Variants in DOCK8 observed in about 807,000 individuals in gnomAD.
DOCK8 encodes dedicator of cytokinesis 8.
Under a neutral mutation model 245.6 loss-of-function variants are expected in DOCK8, and 141 were observed. That is an observed-to-expected ratio of 0.57 (90% CI 0.50 to 0.66). The LOEUF (loss-of-function observed/expected upper bound fraction) is 0.66, where lower values mean the gene tolerates loss of function less well. Among genes scored for constraint, DOCK8 ranks in the 30% least tolerant of loss-of-function variants. DOCK8 has a pLI of 0.00. For missense variants in DOCK8, 2,965 were observed against 2,603.4 expected (o/e 1.14, Z -3.02); for synonymous variants, 1,168 against 970.2 (o/e 1.20, Z -3.79).
At chr9:400,057 A>G (rs1214965015) in intron 26 of DOCK8, among the ~76,000 whole-genome samples, 1 of 108,240 alleles carries the variant, frequency 9.2e-6, no homozygotes, top group Non-Finnish European at 1.8e-5. Flanking sequence ...CACCATCACC[A>G]CCTCCTTCAC....
At chr9:463,081 G>A (rs1041996337) in intron 46 of DOCK8, among the ~76,000 whole-genome samples, 1 of 152,080 alleles carries the variant, frequency 6.6e-6, no homozygotes, top group African/African-American at 2.4e-5. Context: ...AGTATCCCCT[G>A]GGCAACTTTT....
At chr9:232,353 T>C (rs2047136257) in intron 1 of DOCK8, among the ~76,000 whole-genome samples, 1 of 152,316 alleles carries the variant, frequency 6.6e-6, no homozygotes, top group Admixed American at 6.5e-5. Context: ...TGGTCTAAAA[T>C]TCTCTTTTTT....
At position 357,933 on chromosome 9, in the gene DOCK8, A is replaced by G. The variant is rs559398860; in HGVS notation, c.1680-10085A>G. On this transcript the variant is annotated intron_variant, in intron 14 of 47. Transcript: ENST00000432829. ...TCCTTTTTCACTGGTTCCTTTGTGA[A>G]TTTGCACTTTTATCTAACCTAAAAC... Among the ~76,000 whole-genome samples the G allele has an allele frequency of 7.9e-5, 12 of 152,306 alleles. 1 individual carries two copies. Among genetic ancestry groups the G allele is most frequent in the African/African-American group, 2.9e-4 (12 of 41,560 alleles).
At chr9:224,836 C>T (rs950587198) in intron 1 of DOCK8, among the ~76,000 whole-genome samples, 4 of 152,170 alleles carry the variant, frequency 2.6e-5, no homozygotes, top group Admixed American at 2.6e-4. Context: ...AAAACTCAGG[C>T]TCAAAGTCCA....
At chr9:298,618 AGT>A (rs34998339) in intron 4 of DOCK8, among the ~76,000 whole-genome samples, 55,901 of 145,150 alleles carry the variant, frequency 0.39, 11,804 homozygotes, top group East Asian at 0.6. Flanking sequence ...CACATCTGTA[AGT>A]GTGTGTGTGT....
In DOCK8 at chr9:305,322, G is replaced by C. The variant is rs112977467; in HGVS notation, c.528+618G>C. On this transcript the variant is annotated intron_variant, in intron 5 of 47. Transcript: ENST00000432829. The stretch of plus-strand genomic sequence containing the variant: ...TGTTGAGACAGAGTCTCGCTCTGTC[G>C]CCCAGGCTGGACTGCAGTGGCACGA... Among the ~76,000 whole-genome samples the C allele has an allele frequency of 4.0e-5, 6 of 150,012 alleles. No individual in the cohort carries two copies. The South Asian group carries it at 8.5e-4, about 21-fold the overall frequency.
intron 1 of DOCK8, among the ~76,000 whole-genome samples, chr9:253,678 C>T (rs1024697011): frequency 1.3e-5 from 2 of 152,202 alleles, no homozygotes; most frequent in South Asian, 4.1e-4. Flanking sequence ...GACCAAAAGC[C>T]TTGTCCCAGA....
At position 368,131 on chromosome 9, in the gene DOCK8, T is replaced by G; in HGVS notation, c.1793T>G (p.Met598Arg). The change falls in exon 15 of 48, where the codon ATG becomes AGG. Residue 598 changes from methionine to arginine, a missense_variant. Met to Arg is a moderately conservative substitution (Grantham distance 91, BLOSUM62 -1). This residue lies in a region of DOCK8 where 2,825 missense variants were observed against 2,453.5 expected (regional missense o/e 1.15). Coordinates refer to ENST00000432829, the MANE Select transcript of DOCK8 (RefSeq NM_203447.4). ...TGTGGAGAAGATGCTAGCAATGCGA[T>G]GCCGGTAAGGAGGGAAACGAACATT... ...FMCGEDASNA[M>R]PVIFGKSSGP... 6.2e-7 allele frequency: 1 copy of G among 1,613,594 alleles called. No individual in the cohort carries two copies. Among genetic ancestry groups the G allele is most frequent in the South Asian group, 1.1e-5 (1 of 91,074 alleles).
chr9:427,734 A>T (rs2056552840), intron 34 of DOCK8, among the ~76,000 whole-genome samples: 1 of 152,226 alleles, frequency 6.6e-6, no homozygotes, highest in Admixed American at 6.5e-5. Context: ...GTCTAAAATC[A>T]AAGTAATCAT....
Position 286,477 on chromosome 9 carries a change from C to A in DOCK8, c.173C>A (p.Pro58His), listed in dbSNP as rs181739250. ...PSLQLPQFYD[P>H]VEPVDFEGLL... is the part of the protein sequence containing the mutation. ...CCCCTCCAGCCTCAGTTTTATGACC[C>A]TGTGGAGCCAGTGGACTTTGAAGGA... The change falls in exon 3 of 48, where the codon CCT becomes CAT. Residue 58 changes from proline to histidine, a missense_variant. This residue lies in a region of DOCK8 where 2,825 missense variants were observed against 2,453.5 expected (regional missense o/e 1.15). Coordinates refer to ENST00000432829, the MANE Select transcript of DOCK8 (RefSeq NM_203447.4). 7 of 1,613,780 alleles carry A rather than the reference C, an allele frequency of 4.3e-6. No homozygotes were observed. The highest frequency in any genetic ancestry group is 5.1e-6 in the Non-Finnish European group (6 of 1,179,868).
intron 1 of DOCK8, chr9:220,717 C>CTTTTTTTT (rs3046368): frequency 1.1e-5 from 4 of 360,470 alleles, no homozygotes; most frequent in East Asian, 1.9e-4. Context: ...TAATTTCTTT[C>CTTTTTTTT]TTTTTTTTTT....
At chr9:350,527 A>G (rs755706189) in intron 14 of DOCK8, among the ~76,000 whole-genome samples, 5 of 152,176 alleles carry the variant, frequency 3.3e-5, no homozygotes, top group South Asian at 2.1e-4. Flanking sequence ...TAGAACATCA[A>G]TGAGATAGTC....
chr9:286,704 G>A (rs2048838642), intron 3 of DOCK8, 68 bp downstream of exon 3: 3 of 1,448,746 alleles, frequency 2.1e-6, no homozygotes, highest in East Asian at 2.3e-5. Context: ...GTGGGTAGGG[G>A]AGATGCCTTC....
intron 28 of DOCK8, among the ~76,000 whole-genome samples, chr9:410,138 G>T (rs1460241398): frequency 6.6e-6 from 1 of 151,928 alleles, no homozygotes; most frequent in Non-Finnish European, 1.5e-5. Context: ...TTTTATTATA[G>T]TATAATTTAT....
chr9:429,960 T>C, intron 36 of DOCK8, 106 bp downstream of exon 36: 1 of 1,371,498 alleles, frequency 7.3e-7, no homozygotes, highest in Non-Finnish European at 1.0e-6. Context: ...TGCAGTTTAC[T>C]TCTGTCCTGT....
chr9:310,282 C>A (rs1243486770), intron 5 of DOCK8, among the ~76,000 whole-genome samples: 1 of 143,898 alleles, frequency 6.9e-6, no homozygotes, highest in Non-Finnish European at 1.5e-5. Flanking sequence ...AAAAAAAAAT[C>A]CAATCTTTCC....
intron 12 of DOCK8, among the ~76,000 whole-genome samples, chr9:337,765 C>T (rs1302413095): frequency 6.6e-6 from 1 of 152,148 alleles, no homozygotes; most frequent in East Asian, 1.9e-4. Context: ...TTAAAGGGTA[C>T]AGAGTTTCAG....
chr9:258,429 G>A (rs975055939), intron 1 of DOCK8, among the ~76,000 whole-genome samples: 3 of 152,148 alleles, frequency 2.0e-5, no homozygotes, highest in Admixed American at 2.0e-4. Context: ...GAAATGAGGT[G>A]TTTTTAATCA....
intron 44 of DOCK8, among the ~76,000 whole-genome samples, chr9:447,398 C>T (rs913280170): frequency 6.6e-6 from 1 of 152,052 alleles, no homozygotes; most frequent in African/African-American, 2.4e-5. Flanking sequence ...AAACCACACC[C>T]GTAGTGCTTT....
Sources: allele counts gnomAD v4.1 joint callset (sites outside exome capture counted in the v4.1 genomes callset), GRCh38; gene constraint gnomAD v4.1.1; regional missense constraint gnomAD v4.1.1; transcripts MANE v1.5; gene names NCBI Gene and HGNC (gene_info 2026-07-23, HGNC 2026-07-21).